Variants in SNTG2 observed in about 807,000 individuals in gnomAD.
The protein encoded by SNTG2 is gamma-2-syntrophin.
Under a neutral mutation model 70.9 loss-of-function variants are expected in SNTG2, and 74 were observed. That is an observed-to-expected ratio of 1.04 (90% CI 0.86 to 1.27). The LOEUF (loss-of-function observed/expected upper bound fraction) is 1.27. Among genes scored for constraint, SNTG2 ranks in the 50% most tolerant of loss-of-function variants. The pLI is 0.00. For missense variants in SNTG2, 717 were observed against 690.7 expected, an observed-to-expected ratio of 1.04 and a Z score of -0.43; for synonymous variants, 278 against 273.8, an observed-to-expected ratio of 1.02 and a Z score of -0.15.
chr2:1,019,976 G>A (rs990689281), intron 1 of SNTG2, among the ~76,000 whole-genome samples: 2 of 152,178 alleles, frequency 1.3e-5, no homozygotes, highest in African/African-American at 2.4e-5. Flanking sequence ...TCCGGAGGCA[G>A]AGGTTGCAGT....
At chr2:1,312,904 C>G (rs1377995652) in intron 15 of SNTG2, among the ~76,000 whole-genome samples, 1 of 152,196 alleles carries the variant, frequency 6.6e-6, no homozygotes, top group Non-Finnish European at 1.5e-5. Context: ...GAAGTGCAGA[C>G]TTGCCTTTGG....
chr2:1,219,264 C>G (rs1674596979), intron 9 of SNTG2, among the ~76,000 whole-genome samples: 1 of 152,208 alleles, frequency 6.6e-6, no homozygotes, highest in South Asian at 2.1e-4. Flanking sequence ...TCCCCAGAGT[C>G]CCAGCAGATG....
intron 8 of SNTG2, among the ~76,000 whole-genome samples, chr2:1,182,367 A>AG (rs1671968796): frequency 6.6e-6 from 1 of 151,514 alleles, no homozygotes; most frequent in Non-Finnish European, 1.5e-5. Flanking sequence ...TTTCAAAAAA[A>AG]AAAAAAAAAA....
At chr2:965,370 C>T (rs1211434600) in intron 1 of SNTG2, among the ~76,000 whole-genome samples, 1 of 139,016 alleles carries the variant, frequency 7.2e-6, no homozygotes, top group East Asian at 2.2e-4. Context: ...GGTCCCCAAT[C>T]CTCCTCCTGG....
intron 1 of SNTG2, among the ~76,000 whole-genome samples, chr2:979,273 C>A (rs916779851): frequency 5.3e-5 from 8 of 152,208 alleles, no homozygotes; most frequent in Non-Finnish European, 1.5e-5. Context: ...TCAGTGGTTT[C>A]ATTACCAGTT....
intron 1 of SNTG2, among the ~76,000 whole-genome samples, chr2:961,601 C>T (rs1274394892): frequency 6.6e-6 from 1 of 152,170 alleles, no homozygotes; most frequent in Non-Finnish European, 1.5e-5. Context: ...GCATTTTATT[C>T]TTTTTCTTAA....
intron 8 of SNTG2, among the ~76,000 whole-genome samples, chr2:1,185,101 T>G (rs1024594506): frequency 6.6e-6 from 1 of 152,160 alleles, no homozygotes. Flanking sequence ...CCCATGCAAG[T>G]CTGAAACCCA....
chr2:1,222,554 GA>G (rs1675368992), intron 9 of SNTG2, among the ~76,000 whole-genome samples: 1 of 85,030 alleles, frequency 1.2e-5, no homozygotes, highest in Non-Finnish European at 2.4e-5. Flanking sequence ...CGCTGTAGAG[GA>G]AAGCGGTGCA....
At chr2:1,019,274 G>A (rs1165715888) in intron 1 of SNTG2, among the ~76,000 whole-genome samples, 1 of 152,224 alleles carries the variant, frequency 6.6e-6, no homozygotes, top group Non-Finnish European at 1.5e-5. Flanking sequence ...TGGAGAACAT[G>A]CTAAGAAGTT....
chr2:1,327,785 A>G (rs150370852), intron 16 of SNTG2, among the ~76,000 whole-genome samples: 1 of 152,226 alleles, frequency 6.6e-6, no homozygotes, highest in Admixed American at 6.5e-5. Context: ...TTCTTACTCA[A>G]ATTACCTGAA....
chr2:1,366,426 C>A (rs73908894), intron 16 of SNTG2, among the ~76,000 whole-genome samples: 1 of 152,114 alleles, frequency 6.6e-6, no homozygotes, highest in Non-Finnish European at 1.5e-5. Context: ...TGATTTGACA[C>A]AGGGACTTTA....
At chr2:1,363,664 CA>C (rs1256295806) in intron 16 of SNTG2, among the ~76,000 whole-genome samples, 1 of 152,168 alleles carries the variant, frequency 6.6e-6, no homozygotes, top group African/African-American at 2.4e-5. Context: ...TTTGTTCAAA[CA>C]AAATGTCAAA....
At position 1,011,037 on chromosome 2, in the gene SNTG2, C is replaced by T. The variant is rs773671537; in HGVS notation, c.72+59969C>T. ...GCAATGGTGTGTTCATGGAAATGTT[C>T]CATCTCAGAGGCCTTTCTCAGTGCT... On this transcript the variant is annotated intron_variant, in intron 1 of 16. Coordinates refer to ENST00000308624, the MANE Select transcript of SNTG2 (RefSeq NM_018968.4). 2.6e-5 allele frequency among the ~76,000 whole-genome samples: 4 copies of T among 152,220 alleles called. No individual in the cohort carries two copies. The East Asian group carries it at 5.8e-4, about 22-fold the overall frequency.
At chr2:1,364,322 T>G (rs1558234665) in intron 16 of SNTG2, among the ~76,000 whole-genome samples, 1 of 151,068 alleles carries the variant, frequency 6.6e-6, no homozygotes, top group Non-Finnish European at 1.5e-5. Context: ...TAACTTCAAC[T>G]TATGGTACCA....
At chr2:1,173,668 C>T (rs138247047) in intron 8 of SNTG2, among the ~76,000 whole-genome samples, 155 of 152,392 alleles carry the variant, frequency 1.0e-3, no homozygotes, top group African/African-American at 3.5e-3. Context: ...ATGGGGCTCC[C>T]GCCCTCCTCC....
intron 4 of SNTG2, among the ~76,000 whole-genome samples, chr2:1,129,498 C>T (rs1296985709): frequency 6.6e-6 from 1 of 152,194 alleles, no homozygotes; most frequent in Non-Finnish European, 1.5e-5. Flanking sequence ...TTAATAATTT[C>T]ATCACGGTTG....
intron 9 of SNTG2, among the ~76,000 whole-genome samples, chr2:1,211,576 G>A (rs750853996): frequency 6.6e-6 from 1 of 152,144 alleles, no homozygotes; most frequent in Non-Finnish European, 1.5e-5. Flanking sequence ...CATGACTGGG[G>A]AGGCCTCACA....
chr2:1,135,095 G>C lies in SNTG2; in HGVS notation c.326-2527G>C, dbSNP rs202191859. On this transcript the variant is annotated intron_variant, in intron 4 of 16. Coordinates refer to ENST00000308624, the MANE Select transcript of SNTG2 (RefSeq NM_018968.4). ...ATGGGCTCAGCACTGCCCTATGTGC[G>C]TTTTTCTGATGTCTGGAGGCGGCTT... Among the ~76,000 whole-genome samples, 4 of 152,286 alleles carry C rather than the reference G, an allele frequency of 2.6e-5. No individual in the cohort carries two copies. The East Asian group carries it at 7.7e-4, about 30-fold the overall frequency.
intron 16 of SNTG2, among the ~76,000 whole-genome samples, chr2:1,363,001 A>G (rs867981031): frequency 6.6e-6 from 1 of 151,678 alleles, no homozygotes; most frequent in African/African-American, 2.4e-5. Flanking sequence ...TTTCCATGGA[A>G]GTCACCAACG....
Sources: allele counts gnomAD v4.1 joint callset (sites outside exome capture counted in the v4.1 genomes callset), GRCh38; gene constraint gnomAD v4.1.1; transcripts MANE v1.5; gene names NCBI Gene and HGNC (gene_info 2026-07-23, HGNC 2026-07-21).